The following FARP1 variants were observed in gnomAD, a reference collection of about 807,000 sequenced individuals.
FARP1 encodes FERM, ARHGEF and pleckstrin domain-containing protein 1.
FARP1 carries 52 observed loss-of-function variants against 128.8 expected under a neutral mutation model. The observed-to-expected ratio is 0.40, with a 90% confidence interval of 0.32 to 0.51. The LOEUF (loss-of-function observed/expected upper bound fraction) is 0.51, where lower values mean the gene tolerates loss of function less well. Ranked by LOEUF, FARP1 falls within the 20% of genes least tolerant of loss-of-function variation. The pLI, the probability that FARP1 is intolerant of heterozygous loss-of-function variation, is 0.45. For synonymous variants in FARP1, 580 were observed against 551.8 expected (o/e 1.05, Z -0.72); for missense variants, 1,333 against 1,367.9 (o/e 0.97, Z 0.40).
Position 98,393,992 on chromosome 13 carries a change from C to T in FARP1, c.1164+274C>T, listed in dbSNP as rs530500332. On this transcript the variant is annotated intron_variant, in intron 12 of 26. Transcript: ENST00000319562. ...AGCCACTGAGAACTCAGCTCAGCGG[C>T]GGAACCATCGCGGCAGTGGGCAGAG... Among the ~76,000 whole-genome samples, 9 of 152,292 alleles carry T rather than the reference C, an allele frequency of 5.9e-5. No homozygotes were observed. In the East Asian group the frequency reaches 1.4e-3, roughly 23 times the overall value.
intron 18 of FARP1, chr13:98,431,484 C>T (rs1281315756): frequency 1.1e-5 from 5 of 463,290 alleles, no homozygotes; most frequent in Non-Finnish European, 1.9e-5. Flanking sequence ...TTTTTTGAGA[C>T]TGAGTCTCAC....
At chr13:98,178,257 A>C (rs1030706686) in intron 1 of FARP1, among the ~76,000 whole-genome samples, 1 of 143,340 alleles carries the variant, frequency 7.0e-6, no homozygotes, top group African/African-American at 2.6e-5. Context: ...GTGCAGTTAC[A>C]TGATCCCGGC....
At chr13:98,393,611 T>C in intron 11 of FARP1, 32 bp from the exon 12 acceptor site, 1 of 1,581,026 alleles carries the variant, frequency 6.3e-7, no homozygotes, top group Non-Finnish European at 8.7e-7. Flanking sequence ...AAACCTCACC[T>C]AACTTTAATG....
chr13:98,424,698 G>A (rs766690459), intron 17 of FARP1, 48 bp downstream of exon 17: 12 of 1,327,308 alleles, frequency 9.0e-6, no homozygotes, highest in South Asian at 4.7e-5. Context: ...AAGGAGAATC[G>A]AGCGGGGCTG....
At position 98,255,393 on chromosome 13, in the gene FARP1, C is replaced by T. The variant is rs192962733; in HGVS notation, c.171+41980C>T. Among the ~76,000 whole-genome samples the T allele has an allele frequency of 1.9e-3, 296 of 151,984 alleles. 1 individual carries two copies. The highest frequency in any genetic ancestry group is 6.7e-3 in the African/African-American group (276 of 41,448). On this transcript the variant is annotated intron_variant, in intron 2 of 26. Transcript: ENST00000319562. ...GCAGGCGCCTGTAGTCCCAGCTACT[C>T]GGGAGGCTGAGGCAGGAGAATGGCG...
intron 17 of FARP1, among the ~76,000 whole-genome samples, chr13:98,428,421 C>G (rs1243928389): frequency 1.3e-5 from 2 of 152,134 alleles, no homozygotes; most frequent in Non-Finnish European, 2.9e-5. Context: ...CTTCTCCTGG[C>G]TCTCTGTTTT....
At chr13:98,319,858 CT>C (rs113080357) in intron 2 of FARP1, among the ~76,000 whole-genome samples, 4 of 149,632 alleles carry the variant, frequency 2.7e-5, no homozygotes, top group Admixed American at 6.7e-5. Flanking sequence ...AAACAACAGA[CT>C]TTTTTTTTTC....
chr13:98,185,557 T>C (rs891808755), intron 1 of FARP1, among the ~76,000 whole-genome samples: 2 of 152,178 alleles, frequency 1.3e-5, no homozygotes, highest in Non-Finnish European at 2.9e-5. Context: ...AATGGGATGC[T>C]ACCTTTCTTG....
intron 2 of FARP1, among the ~76,000 whole-genome samples, chr13:98,243,988 G>A (rs1423793870): frequency 1.3e-5 from 2 of 151,950 alleles, no homozygotes; most frequent in Admixed American, 6.6e-5. Flanking sequence ...TTTCTCCCCT[G>A]AGCATCTTAT....
intron 2 of FARP1, among the ~76,000 whole-genome samples, chr13:98,304,791 C>A (rs534584758): frequency 3.7e-4 from 57 of 152,354 alleles, no homozygotes; most frequent in South Asian, 6.2e-4. Context: ...AAAGTTGAGA[C>A]CTTGTCTGAG....
intron 1 of FARP1, among the ~76,000 whole-genome samples, chr13:98,175,418 C>T (rs558631844): frequency 4.1e-4 from 62 of 152,120 alleles, no homozygotes; most frequent in African/African-American, 1.5e-3. Flanking sequence ...TAACTGATAT[C>T]CTTTATTTGC....
chr13:98,227,090 G>A (rs1278351257), intron 2 of FARP1, among the ~76,000 whole-genome samples: 3 of 152,050 alleles, frequency 2.0e-5, no homozygotes, highest in Non-Finnish European at 4.4e-5. Flanking sequence ...ACAGGCGCCC[G>A]CCACCATGCC....
intron 1 of FARP1, among the ~76,000 whole-genome samples, chr13:98,195,066 G>T (rs1362061821): frequency 2.0e-5 from 3 of 151,778 alleles, no homozygotes; most frequent in Non-Finnish European, 4.4e-5. Context: ...ATGCAAATAA[G>T]TGCTTCAAGA....
chr13:98,447,850 AAAAAG>A (rs1303085570), intron 26 of FARP1: 9 of 208,090 alleles, frequency 4.3e-5, no homozygotes, highest in African/African-American at 1.2e-4. Flanking sequence ...GTCTCAAAAA[AAAAAG>A]AAAAAGAAAA....
In FARP1 at chr13:98,176,496, G is replaced by A. The variant is rs1172444463; in HGVS notation, c.-24+33004G>A. 1 of 1,614,118 alleles carries A rather than the reference G, an allele frequency of 6.2e-7. No individual in the cohort carries two copies. The highest frequency in any genetic ancestry group is 1.3e-5 in the African/African-American group (1 of 75,016). On this transcript the variant is annotated intron_variant, in intron 1 of 26. Transcript: ENST00000319562. This position sits in a 1 kb window ranked among gnomAD's most constrained non-coding sequence, Gnocchi z 6.2. ...ACCTGAATGGTATTTCCTCTTCCTC[G>A]CTTCCCACTTCATGGTTTTCGTCCT...
intron 1 of FARP1, among the ~76,000 whole-genome samples, chr13:98,146,501 T>C (rs1875574381): frequency 6.6e-6 from 1 of 152,254 alleles, no homozygotes; most frequent in African/African-American, 2.4e-5. Flanking sequence ...GTGCTGGGAT[T>C]ACAGGCGTGA....
intron 23 of FARP1, among the ~76,000 whole-genome samples, 153 bp from the exon 24 acceptor site, chr13:98,440,517 G>A (rs1892480721): frequency 6.6e-6 from 1 of 152,212 alleles, no homozygotes; most frequent in Non-Finnish European, 1.5e-5. Context: ...TGTGACTGGA[G>A]CTGCAGGGTC....
In FARP1 at chr13:98,204,358, T is replaced by A. The variant is rs141703181; in HGVS notation, c.-23-8862T>A. Among the ~76,000 whole-genome samples, 561 of 152,344 alleles carry A rather than the reference T, an allele frequency of 3.7e-3. 6 individuals are homozygous for A. The highest frequency in any genetic ancestry group is 0.013 in the African/African-American group (551 of 41,588). On this transcript the variant is annotated intron_variant, in intron 1 of 26. Transcript: ENST00000319562. ...GACCATCTTCATGTTTTTGCAGATT[T>A]AAAATCTTCCTATTATCAGTTTTAA...
intron 2 of FARP1, among the ~76,000 whole-genome samples, chr13:98,238,906 C>A (rs983078529): frequency 6.6e-6 from 1 of 152,114 alleles, no homozygotes; most frequent in African/African-American, 2.4e-5. Flanking sequence ...TGTGCGCCAA[C>A]CCCCACATTG....
Sources: allele counts gnomAD v4.1 joint callset (sites outside exome capture counted in the v4.1 genomes callset), GRCh38; gene constraint gnomAD v4.1.1; non-coding constraint Gnocchi (gnomAD v3.1); transcripts MANE v1.5; gene names NCBI Gene and HGNC (gene_info 2026-07-23, HGNC 2026-07-21).